Variants in RAD51B observed in about 807,000 individuals in gnomAD.
The protein encoded by RAD51B is DNA repair protein RAD51 homolog 2.
A neutral mutation model predicts 42.2 loss-of-function variants in RAD51B; 38 were observed. That is an observed-to-expected ratio of 0.90 (90% CI 0.70 to 1.18). The LOEUF (loss-of-function observed/expected upper bound fraction) is 1.18. Ranked by LOEUF, RAD51B falls within the 50% of genes most tolerant of loss-of-function variation. The pLI is 0.00. For missense variants in RAD51B, 373 were observed against 400.7 expected, an observed-to-expected ratio of 0.93 and a Z score of 0.59; for synonymous variants, 154 against 145.2, an observed-to-expected ratio of 1.06 and a Z score of -0.43.
chr14:67,880,240 A>C (rs1259755047), intron 5 of RAD51B, among the ~76,000 whole-genome samples: 1 of 152,232 alleles, frequency 6.6e-6, no homozygotes, highest in African/African-American at 2.4e-5. Context: ...TATCATTGGC[A>C]ATAAATATTG....
At chr14:67,901,972 A>G (rs1410325799) in intron 7 of RAD51B, among the ~76,000 whole-genome samples, 1 of 152,174 alleles carries the variant, frequency 6.6e-6, no homozygotes. Flanking sequence ...AGTGATGGAT[A>G]CCTGGAAAGT....
intron 7 of RAD51B, among the ~76,000 whole-genome samples, chr14:68,235,876 T>C (rs1364254214): frequency 6.6e-6 from 1 of 151,796 alleles, no homozygotes; most frequent in Non-Finnish European, 1.5e-5. Context: ...TACACAACCA[T>C]AAAAAAAGAA....
At chr14:68,458,827 A>G (rs1357993762) in intron 9 of RAD51B, among the ~76,000 whole-genome samples, 1 of 152,140 alleles carries the variant, frequency 6.6e-6, no homozygotes, top group African/African-American at 2.4e-5. Flanking sequence ...GCTCAAATAC[A>G]GTTCATTTTT....
chr14:68,645,825 T>C (rs983935957), intron 10 of RAD51B, among the ~76,000 whole-genome samples: 2 of 152,216 alleles, frequency 1.3e-5, no homozygotes, highest in Non-Finnish European at 2.9e-5. Flanking sequence ...TTTCTTTCAA[T>C]ATTTTTGCTA....
chr14:67,820,801 G>A (rs1387295807), intron 1 of RAD51B, among the ~76,000 whole-genome samples: 2 of 152,050 alleles, frequency 1.3e-5, no homozygotes, highest in Non-Finnish European at 2.9e-5. Context: ...TATGTGCCAC[G>A]CACTCCCCGA....
intron 10 of RAD51B, among the ~76,000 whole-genome samples, chr14:68,630,678 C>A (rs916978631): frequency 6.6e-6 from 1 of 152,098 alleles, no homozygotes; most frequent in African/African-American, 2.4e-5. Flanking sequence ...AGGGTGGGAT[C>A]GTTCCAGACA....
chr14:67,948,931 C>CAAAAAAAAAAAAAAAAA (rs59465805), intron 7 of RAD51B, among the ~76,000 whole-genome samples: 2 of 17,058 alleles, frequency 1.2e-4, no homozygotes, highest in African/African-American at 3.8e-4. Context: ...GACTCTGTCT[C>CAAAAAAAAAAAAAAAAA]AAAAAAAAAA....
At chr14:67,867,405 AC>A (rs1243202823) in intron 5 of RAD51B, among the ~76,000 whole-genome samples, 2 of 152,148 alleles carry the variant, frequency 1.3e-5, no homozygotes, top group African/African-American at 2.4e-5. Context: ...TGACAGAGAG[AC>A]CTAGGGCATG....
chr14:68,208,548 AG>A (rs1197187869), intron 7 of RAD51B, among the ~76,000 whole-genome samples: 1 of 152,226 alleles, frequency 6.6e-6, no homozygotes, highest in Non-Finnish European at 1.5e-5. Context: ...TAAACAATAA[AG>A]GGTTTAATTT....
chr14:68,186,208 T>G (rs1168022466), intron 7 of RAD51B, among the ~76,000 whole-genome samples: 3 of 152,118 alleles, frequency 2.0e-5, no homozygotes. Context: ...ATGCAAAAAT[T>G]GACTCAAGAT....
rs1470632833 is a variant in RAD51B at position 68,311,803 on chromosome 14, C to T, written c.853+19823C>T. On this transcript the variant is annotated intron_variant, in intron 8 of 10. Transcript: ENST00000471583. Reference sequence around the variant, plus strand: ...TCGGGAGGCTGAGGCAGGAGAATTGCTTGAACTGGGACCTGGGAGGTGGAG... The same window carrying T: ...TCGGGAGGCTGAGGCAGGAGAATTGTTTGAACTGGGACCTGGGAGGTGGAG... 2.0e-5 allele frequency among the ~76,000 whole-genome samples: 3 copies of T among 152,168 alleles called. No homozygotes were observed. The East Asian group carries it at 5.8e-4, about 29-fold the overall frequency.
At chr14:68,522,902 T>C (rs1299885344) in intron 10 of RAD51B, among the ~76,000 whole-genome samples, 1 of 152,192 alleles carries the variant, frequency 6.6e-6, no homozygotes, top group Non-Finnish European at 1.5e-5. Context: ...AGGAACAATT[T>C]GCAGGAACAA....
At chr14:67,965,813 A>G (rs1342790633) in intron 7 of RAD51B, among the ~76,000 whole-genome samples, 1 of 152,124 alleles carries the variant, frequency 6.6e-6, no homozygotes, top group East Asian at 1.9e-4. Context: ...AGAGGAACTG[A>G]GGAAGCCAAG....
intron 7 of RAD51B, among the ~76,000 whole-genome samples, chr14:68,115,512 A>G (rs565629572): frequency 7.2e-6 from 1 of 138,352 alleles, no homozygotes; most frequent in South Asian, 2.4e-4. Flanking sequence ...AACCTGCACA[A>G]TGTGCACATG....
intron 7 of RAD51B, among the ~76,000 whole-genome samples, chr14:68,170,874 G>A (rs1420413126): frequency 2.0e-5 from 3 of 152,188 alleles, no homozygotes; most frequent in Admixed American, 1.3e-4. Context: ...AACATAAAAT[G>A]TTGATGAAAA....
intron 7 of RAD51B, among the ~76,000 whole-genome samples, chr14:68,187,534 A>G (rs2079182143): frequency 6.6e-6 from 1 of 152,178 alleles, no homozygotes. Context: ...TCTCATTTAA[A>G]TTACATTTAT....
intron 7 of RAD51B, among the ~76,000 whole-genome samples, chr14:67,959,838 G>A (rs916661758): frequency 7.2e-5 from 11 of 152,118 alleles, no homozygotes; most frequent in Non-Finnish European, 1.3e-4. Context: ...CTAGCACTTT[G>A]GGAGGCCAAG....
At chr14:68,068,306 C>CAA (rs10668894) in intron 7 of RAD51B, among the ~76,000 whole-genome samples, 48,637 of 151,938 alleles carry the variant, frequency 0.32, 11,301 homozygotes, top group African/African-American at 0.66. Flanking sequence ...CTGGCAACCA[C>CAA]ATCCATTTTC....
chr14:68,162,354 AT>A lies in RAD51B; in HGVS notation c.757-129523del, dbSNP rs571985289. Among the ~76,000 whole-genome samples the A allele has an allele frequency of 5.9e-5, 9 of 152,300 alleles. No homozygotes were observed. In the South Asian group the frequency reaches 1.9e-3, roughly 32 times the overall value. On this transcript the variant is annotated intron_variant, in intron 7 of 10. Coordinates refer to ENST00000471583, the MANE Select transcript of RAD51B (RefSeq NM_133510.4). The stretch of plus-strand genomic sequence containing the variant: ...TTTTCATTCTAAAATAAGTCCTATA[AT>A]TTTTTTCTTAAAATAGAAATCTAGG...
Sources: gnomAD v4.1 joint callset for allele counts (sites outside exome capture counted in the v4.1 genomes callset) on GRCh38, gnomAD v4.1.1 for gene constraint, MANE v1.5 for transcripts, NCBI Gene and HGNC (gene_info 2026-07-23, HGNC 2026-07-21) for gene names.